Variants in ADPGK observed in about 807,000 individuals in gnomAD.
The protein encoded by ADPGK is ADP-dependent glucokinase.
In ADPGK, 26 loss-of-function variants were observed where a neutral mutation model predicts 42.4. That is an observed-to-expected ratio of 0.61 (90% CI 0.45 to 0.85). The LOEUF (loss-of-function observed/expected upper bound fraction) is 0.85, where lower values mean the gene tolerates loss of function less well. Among genes scored for constraint, ADPGK ranks in the 40% least tolerant of loss-of-function variants. ADPGK has a pLI of 0.00. For missense variants in ADPGK, 571 were observed against 627.0 expected (o/e 0.91, Z 0.95); for synonymous variants, 267 against 252.6 (o/e 1.06, Z -0.54).
At chr15:72,770,382 C>T (rs1286780985) in intron 3 of ADPGK, among the ~76,000 whole-genome samples, 2 of 152,216 alleles carry the variant, frequency 1.3e-5, no homozygotes, top group African/African-American at 4.8e-5. Flanking sequence ...GAGGTCAATA[C>T]TGAAAGGTCA....
At chr15:72,758,700 A>AGC (rs1328041229) in intron 4 of ADPGK, 1 of 158,524 alleles carries the variant, frequency 6.3e-6, no homozygotes, top group Non-Finnish European at 1.4e-5. Context: ...TGTCTCCTTA[A>AGC]CTACATACGA....
chr15:72,756,044 C>T lies in ADPGK; in HGVS notation c.840+207G>A, dbSNP rs1248089986. ...GCAGAGGCTCAGGCAAGAAGATGTT[C>T]TGCCCTGTCCTACTCAAGCTGCTGC... is the stretch of plus-strand genomic sequence containing the variant. On this transcript the variant is annotated intron_variant, in intron 5 of 6. Coordinates refer to ENST00000456471, the MANE Select transcript of ADPGK (RefSeq NM_001365225.1). 4 of 705,800 alleles carry T rather than the reference C, an allele frequency of 5.7e-6. No homozygotes were observed. The South Asian group carries it at 6.0e-5, about 11-fold the overall frequency. 43.7% of individuals were successfully genotyped at this position (705,800 alleles called of 1,614,324 possible).
In ADPGK at chr15:72,783,686, C is replaced by T. The variant is rs1307865125; in HGVS notation, c.6G>A (p.Ala2=). The change falls in exon 1 of 7, where the codon GCG becomes GCA. Residue 2 remains alanine, a synonymous_variant. Coordinates refer to ENST00000456471, the MANE Select transcript of ADPGK (RefSeq NM_001365225.1). ...CCGCGTACGCGGAGCCGCGCCACAG[C>T]GCCATGGGGACCCAGGCGCCGCACC... The part of the protein sequence containing the change: M[A]LWRGSAYAGF... The T allele has an allele frequency of 6.1e-6, 9 of 1,482,142 alleles. No homozygotes were observed. The highest frequency in any genetic ancestry group is 1.3e-5 in the South Asian group (1 of 78,054). The allele number at this position is 1,482,142 out of a possible 1,614,324, so 91.8% of individuals were successfully genotyped here.
Position 72,752,665 on chromosome 15 carries a change from T to A in ADPGK, c.1170A>T (p.Ala390=), listed in dbSNP as rs1369456479. The stretch of plus-strand genomic sequence containing the variant: ...GGTTGGCCCAGTGTCCATCCACAGT[T>A]GCCAGGATGTGGTAGACCAGCGTGT... ...HFHTLVYHIL[A]TVDGHWANQL... The change falls in exon 7 of 7, where the codon GCA becomes GCT. Residue 390 remains alanine, a synonymous_variant. Transcript: ENST00000456471. 2.5e-6 allele frequency: 4 copies of A among 1,614,214 alleles called. No individual in the cohort carries two copies. In the South Asian group the frequency reaches 3.3e-5, roughly 13 times the overall value.
intron 2 of ADPGK, 82 bp downstream of exon 2, chr15:72,774,790 A>C: frequency 1.5e-6 from 2 of 1,308,652 alleles, no homozygotes; most frequent in Non-Finnish European, 2.1e-6. Context: ...CTGGAATGAA[A>C]AGTTGCTTGC....
rs558031176 is a variant in ADPGK, at chr15:72,751,410, G to C, written c.*931C>G. On this transcript the variant is annotated 3_prime_UTR_variant, in exon 7 of 7. Transcript: ENST00000456471. ...TTTTTAATATATTTAAGAGCACACA[G>C]AAGTCTTGATTTATAAAAAAATAAA... The C allele has an allele frequency of 1.6e-4, 25 of 152,736 alleles. No individual in the cohort carries two copies. In the East Asian group the frequency reaches 4.4e-3, roughly 27 times the overall value. 9.5% of individuals were successfully genotyped at this position (152,736 alleles called of 1,614,324 possible). A position where few individuals can be genotyped will look rare whatever the true frequency, so the allele number is the denominator to read the frequency against.
intron 4 of ADPGK, among the ~76,000 whole-genome samples, chr15:72,759,354 A>G (rs572837392): frequency 3.0e-4 from 45 of 152,336 alleles, no homozygotes; most frequent in African/African-American, 1.1e-3. Context: ...TGGGAAAACT[A>G]AAGCTGAGAA....
intron 3 of ADPGK, among the ~76,000 whole-genome samples, chr15:72,764,880 G>A (rs2151080222): frequency 6.6e-6 from 1 of 151,826 alleles, no homozygotes; most frequent in African/African-American, 2.4e-5. Context: ...GGATTCTTAA[G>A]TATGATGCTA....
At chr15:72,762,003 C>G (rs892311976) in intron 3 of ADPGK, among the ~76,000 whole-genome samples, 3 of 152,190 alleles carry the variant, frequency 2.0e-5, no homozygotes, top group Non-Finnish European at 4.4e-5. Flanking sequence ...TCCCAAGTAG[C>G]TGGGATTACA....
intron 1 of ADPGK, among the ~76,000 whole-genome samples, chr15:72,781,889 A>G (rs1356812969): frequency 6.6e-6 from 1 of 152,196 alleles, no homozygotes; most frequent in African/African-American, 2.4e-5. Flanking sequence ...CTATTCCAAA[A>G]GGACCTAGTG....
chr15:72,771,629 C>T (rs2066329520), intron 3 of ADPGK, among the ~76,000 whole-genome samples, 154 bp downstream of exon 3: 7 of 152,236 alleles, frequency 4.6e-5, no homozygotes, highest in Admixed American at 4.6e-4. Context: ...TTACTACTAT[C>T]TCCTACTATT....
chr15:72,754,751 G>A (rs2066090195), intron 6 of ADPGK, among the ~76,000 whole-genome samples: 2 of 152,282 alleles, frequency 1.3e-5, no homozygotes, highest in South Asian at 4.1e-4. Context: ...AGTGATGCAG[G>A]AAGATCTCCA....
intron 1 of ADPGK, among the ~76,000 whole-genome samples, chr15:72,778,966 T>C (rs1345121014): frequency 6.6e-6 from 1 of 152,178 alleles, no homozygotes; most frequent in Non-Finnish European, 1.5e-5. Context: ...TAGTCATCAC[T>C]GCTTTCAGCT....
At chr15:72,753,927 C>T (rs937992024) in intron 6 of ADPGK, among the ~76,000 whole-genome samples, 5 of 152,130 alleles carry the variant, frequency 3.3e-5, no homozygotes, top group Admixed American at 6.5e-5. Context: ...GTGCTGATGA[C>T]GTGCCTGTGT....
At chr15:72,773,011 C>A (rs1008272224) in intron 2 of ADPGK, among the ~76,000 whole-genome samples, 4 of 152,060 alleles carry the variant, frequency 2.6e-5, no homozygotes, top group Non-Finnish European at 4.4e-5. Context: ...GAGGCATAGA[C>A]TAAACCAGGG....
intron 1 of ADPGK, among the ~76,000 whole-genome samples, chr15:72,777,301 G>C (rs1274285734): frequency 1.3e-5 from 2 of 152,204 alleles, no homozygotes; most frequent in Non-Finnish European, 2.9e-5. Context: ...AGACAGCCCA[G>C]TCTAAAAAAA....
intron 4 of ADPGK, among the ~76,000 whole-genome samples, chr15:72,759,110 G>C (rs896445179): frequency 2.6e-5 from 4 of 152,094 alleles, no homozygotes; most frequent in Non-Finnish European, 5.9e-5. Flanking sequence ...GCTAATTTTT[G>C]TATTTTTAGT....
intron 4 of ADPGK, 59 bp downstream of exon 4, chr15:72,760,348 A>G (rs774351832): frequency 4.1e-5 from 62 of 1,505,376 alleles, no homozygotes; most frequent in Non-Finnish European, 4.9e-5. Flanking sequence ...TCACACCCCA[A>G]TCTGACAATA....
At chr15:72,756,817 A>G (rs553504060) in intron 4 of ADPGK, 4 of 232,456 alleles carry the variant, frequency 1.7e-5, no homozygotes, top group African/African-American at 6.7e-5. Context: ...CCCTGCAGAC[A>G]GTATAGGCTG....
Sources: gnomAD v4.1 joint callset for allele counts (sites outside exome capture counted in the v4.1 genomes callset) on GRCh38, gnomAD v4.1.1 for gene constraint, MANE v1.5 for transcripts, NCBI Gene and HGNC (gene_info 2026-07-23, HGNC 2026-07-21) for gene names.